Variants in NLN observed in about 807,000 individuals in gnomAD.
NLN encodes neurolysin, mitochondrial.
Under a neutral mutation model 79.9 loss-of-function variants are expected in NLN, and 64 were observed. The ratio of observed to expected loss-of-function variants is 0.80; its 90% CI spans 0.65 to 0.99. NLN has a LOEUF of 0.99. NLN is among the 50% of genes least tolerant of loss of function. The pLI, the probability that NLN is intolerant of heterozygous loss-of-function variation, is 0.00. For missense variants in NLN, 835 were observed against 858.7 expected, an observed-to-expected ratio of 0.97 and a Z score of 0.34; for synonymous variants, 267 against 296.6, an observed-to-expected ratio of 0.90 and a Z score of 1.02.
chr5:65,733,277 T>C lies in NLN; in HGVS notation c.41+10863T>C, dbSNP rs2150734165. 10 of 1,516,758 alleles carry C rather than the reference T, an allele frequency of 6.6e-6. 2 individuals carry two copies. The highest frequency in any genetic ancestry group is 2.3e-5 in the East Asian group (1 of 44,230). The allele number at this position is 1,516,758 out of a possible 1,614,324, so 94.0% of individuals were successfully genotyped here. On this transcript the variant is annotated intron_variant, in intron 1 of 12. Coordinates refer to ENST00000380985, the MANE Select transcript of NLN (RefSeq NM_020726.5). ...GAGCTCTGCTAGAGAAAGTTGCTGC[T>C]ACTCTCGAGACCCTCACGTTAAAGG...
chr5:65,729,129 C>A (rs1402977712), intron 1 of NLN, among the ~76,000 whole-genome samples: 7 of 152,122 alleles, frequency 4.6e-5, no homozygotes, highest in African/African-American at 1.7e-4. Context: ...CAGGCATGAG[C>A]TACTGGGCCC....
Position 65,827,493 on chromosome 5 carries a change from C to G in NLN, c.*4578C>G, listed in dbSNP as rs983106059. The G allele has an allele frequency of 1.3e-5, 2 of 152,156 alleles. No individual in the cohort carries two copies. Among genetic ancestry groups the G allele is most frequent in the African/African-American group, 2.4e-5 (1 of 41,418 alleles). The allele number at this position is 152,156 out of a possible 1,614,324, so 9.4% of individuals were successfully genotyped here. On this transcript the variant is annotated 3_prime_UTR_variant, in exon 13 of 13. Coordinates refer to ENST00000380985, the MANE Select transcript of NLN (RefSeq NM_020726.5). ...TGTTCATTGCGTCCAGCAAGACACGCATTGCTGTTGATATCTTTGTGGCTA... is the reference window on the plus strand; with the variant it reads ...TGTTCATTGCGTCCAGCAAGACACGGATTGCTGTTGATATCTTTGTGGCTA...
At chr5:65,750,814 A>G (rs1226779820) in intron 1 of NLN, among the ~76,000 whole-genome samples, 2 of 152,074 alleles carry the variant, frequency 1.3e-5, no homozygotes, top group African/African-American at 4.8e-5. Flanking sequence ...AAAAAGAGAA[A>G]CAGGTAAACC....
chr5:65,722,535 C>A, intron 1 of NLN, 121 bp downstream of exon 1: 2 of 917,142 alleles, frequency 2.2e-6, no homozygotes, highest in Non-Finnish European at 1.6e-6. Flanking sequence ...CGGGACGCAC[C>A]CTCCCCGCGG....
At chr5:65,760,484 A>G (rs1220582340) in intron 2 of NLN, among the ~76,000 whole-genome samples, 1 of 152,182 alleles carries the variant, frequency 6.6e-6, no homozygotes, top group African/African-American at 2.4e-5. Flanking sequence ...TCACTTCTTC[A>G]GTCACTTGTG....
intron 3 of NLN, among the ~76,000 whole-genome samples, chr5:65,765,632 C>A (rs760023245): frequency 1.3e-5 from 2 of 151,892 alleles, no homozygotes; most frequent in South Asian, 2.1e-4. Context: ...TTGCTTGTGC[C>A]CAGGAGGTTG....
intron 9 of NLN, among the ~76,000 whole-genome samples, chr5:65,800,670 A>ATTTG (rs1276962065): frequency 1.3e-5 from 2 of 148,416 alleles, no homozygotes; most frequent in Non-Finnish European, 3.0e-5. Context: ...TCTCTTATTT[A>ATTTG]TTTATTTATT....
At chr5:65,808,280 A>G (rs1301558815) in intron 9 of NLN, among the ~76,000 whole-genome samples, 2 of 152,222 alleles carry the variant, frequency 1.3e-5, no homozygotes, top group African/African-American at 2.4e-5. Flanking sequence ...TGGGCCAAAA[A>G]GCAGAGTGGG....
chr5:65,761,025 A>C (rs1018719836), intron 2 of NLN, among the ~76,000 whole-genome samples: 18 of 152,162 alleles, frequency 1.2e-4, no homozygotes, highest in Non-Finnish European at 2.9e-5. Context: ...CTCTGAGTCC[A>C]TTATGCCTCT....
chr5:65,794,489 C>A (rs1476169495), intron 9 of NLN, among the ~76,000 whole-genome samples: 2 of 152,070 alleles, frequency 1.3e-5, no homozygotes, highest in African/African-American at 2.4e-5. Context: ...CCTGTAGTCC[C>A]AGCTACTCAG....
At position 65,779,916 on chromosome 5, in the gene NLN, GTT is replaced by G. The variant is rs1187770111; in HGVS notation, c.559-257_559-256del. The G allele has an allele frequency of 4.0e-5, 11 of 276,344 alleles. No individual in the cohort carries two copies. The South Asian group carries it at 7.6e-4, about 19-fold the overall frequency. The allele number at this position is 276,344 out of a possible 1,614,324, so 17.1% of individuals were successfully genotyped here. ...CAATTGATGGTGATAAAAATGAGTT[GTT>G]TTTTTCAAACAATTCTCCTGCCTCA... On this transcript the variant is annotated intron_variant, in intron 4 of 12. Transcript: ENST00000380985.
chr5:65,824,127 G>A lies in NLN; in HGVS notation c.*1212G>A, dbSNP rs1319346884. On this transcript the variant is annotated 3_prime_UTR_variant, in exon 13 of 13. Transcript: ENST00000380985. ...GAAATCTATTCAATAAGGAAACCAA[G>A]ACAGGATAATAAAATTTAAAAAAAA... 2 of 151,826 alleles carry A rather than the reference G, an allele frequency of 1.3e-5. No homozygotes were observed. Among genetic ancestry groups the A allele is most frequent in the African/African-American group, 2.4e-5 (1 of 41,326 alleles). The allele number at this position is 151,826 out of a possible 1,614,324, so 9.4% of individuals were successfully genotyped here.
chr5:65,762,339 A>G (rs188519928), intron 2 of NLN, among the ~76,000 whole-genome samples: 1 of 152,158 alleles, frequency 6.6e-6, no homozygotes, highest in Non-Finnish European at 1.5e-5. Flanking sequence ...AGATCCTAAG[A>G]AGCCTCAGTA....
chr5:65,770,821 G>A (rs554417766), intron 3 of NLN, among the ~76,000 whole-genome samples: 48 of 152,230 alleles, frequency 3.2e-4, no homozygotes, highest in African/African-American at 1.1e-3. Flanking sequence ...AAATAAATAA[G>A]TATAACAACA....
chr5:65,787,370 C>A (rs1759953623), intron 7 of NLN, among the ~76,000 whole-genome samples: 2 of 152,154 alleles, frequency 1.3e-5, no homozygotes, highest in South Asian at 4.1e-4. Flanking sequence ...TGAGTTTCCT[C>A]ACTTCTCTTC....
At chr5:65,810,857 A>G (rs1397787534) in intron 11 of NLN, among the ~76,000 whole-genome samples, 1 of 152,106 alleles carries the variant, frequency 6.6e-6, no homozygotes, top group Admixed American at 6.5e-5. Flanking sequence ...GTATACCTAC[A>G]GTCCTAGCTA....
chr5:65,730,627 G>C (rs1356965203), intron 1 of NLN, among the ~76,000 whole-genome samples: 1 of 151,352 alleles, frequency 6.6e-6, no homozygotes, highest in African/African-American at 2.4e-5. Context: ...CGCAATCTCA[G>C]CTCACTGCAA....
At chr5:65,741,254 C>A (rs1758863553) in intron 1 of NLN, among the ~76,000 whole-genome samples, 1 of 152,056 alleles carries the variant, frequency 6.6e-6, no homozygotes, top group Non-Finnish European at 1.5e-5. Context: ...TATTTGGAAC[C>A]TTTTGTGGTT....
chr5:65,731,098 C>T (rs190374999), intron 1 of NLN, among the ~76,000 whole-genome samples: 2 of 152,354 alleles, frequency 1.3e-5, no homozygotes, highest in Non-Finnish European at 2.9e-5. Flanking sequence ...TATCCTCTCT[C>T]ACATGTTTGG....
Sources: gnomAD v4.1 joint callset for allele counts (sites outside exome capture counted in the v4.1 genomes callset) on GRCh38, gnomAD v4.1.1 for gene constraint, MANE v1.5 for transcripts, NCBI Gene and HGNC (gene_info 2026-07-23, HGNC 2026-07-21) for gene names.